AHNAK: variants seen among roughly 807,000 people sequenced by gnomAD.
AHNAK encodes the protein AHNAK nucleoprotein.
In AHNAK, 23 loss-of-function variants were observed where a neutral mutation model predicts 37.8. The observed-to-expected ratio is 0.61, with a 90% CI of 0.44 to 0.86. The LOEUF is 0.86. AHNAK is among the 40% of genes least tolerant of loss of function. AHNAK has a pLI of 0.00. For missense variants in AHNAK, 7,411 were observed against 7,319.4 expected (o/e 1.01, Z -0.46); for synonymous variants, 2,481 against 2,636.3 (o/e 0.94, Z 1.80).
chr11:62,473,084 CAAAAAAAAAAAAA>C (rs71056522), intron 5 of AHNAK, among the ~76,000 whole-genome samples: 7 of 17,294 alleles, frequency 4.0e-4, no homozygotes, highest in Non-Finnish European at 4.6e-4. Context: ...GACTCCATCT[CAAAAAAAAAAAAA>C]AAAAAAAAAA....
intron 5 of AHNAK, among the ~76,000 whole-genome samples, chr11:62,434,170 C>G (rs1353729282): frequency 6.6e-6 from 1 of 152,076 alleles, no homozygotes; most frequent in African/African-American, 2.4e-5. Context: ...TTTGGTGCCC[C>G]CCATACAAGC....
chr11:62,515,965 T>C lies in AHNAK; in HGVS notation c.*779A>G. 5 of 1,171,946 alleles carry C rather than the reference T, an allele frequency of 4.3e-6. No homozygotes were observed. The highest frequency in any genetic ancestry group is 3.2e-5 in the African/African-American group (2 of 62,496). The allele number at this position is 1,171,946 out of a possible 1,614,324, so 72.6% of individuals were successfully genotyped here. A position where few individuals can be genotyped will look rare whatever the true frequency, so the allele number is the denominator to read the frequency against. ...TCAATTTTCTTACATTCTCAGTTAA[T>C]TGGCCATTAAAGTGCTGGAAATTTT... On this transcript the variant is annotated 3_prime_UTR_variant, in exon 5 of 5. Transcript: ENST00000378024.
At chr11:62,534,882 G>C (rs760236856) in intron 4 of AHNAK, 121 bp downstream of exon 4, 7 of 1,039,728 alleles carry the variant, frequency 6.7e-6, no homozygotes, top group Non-Finnish European at 6.9e-6. Flanking sequence ...GAAGACAGGT[G>C]AGAGGAGAAG....
Position 62,530,976 on chromosome 11 carries a change from A to C in AHNAK, c.3441T>G (p.Asp1147Glu). The change falls in exon 5 of 5, where the codon GAT becomes GAG. Residue 1147 changes from aspartate (D) to glutamate (E), a missense_variant. Coordinates refer to ENST00000378024, the MANE Select transcript of AHNAK (RefSeq NM_001620.3). ...PSLKGEGPEV[D>E]VNLPKADVVV... ...CAACGTCAGCCTTAGGCAAGTTCAC[A>C]TCCACTTCTGGGCCCTCGCCTTTGA... 6.2e-7 allele frequency: 1 copy of C among 1,613,762 alleles called. No homozygotes were observed. The highest frequency in any genetic ancestry group is 8.5e-7 in the Non-Finnish European group (1 of 1,179,960).
chr11:62,532,039 C>G lies in AHNAK; in HGVS notation c.2378G>C (p.Ser793Thr). ...PKIDVTAPDV[S>T]IEEPEGKLKG... ...CAATTTCCCTTCTGGTTCCTCAATG[C>G]TCACATCAGGAGCAGTAACATCTAT... The change falls in exon 5 of 5, where the codon AGC becomes ACC. Residue 793 changes from serine to threonine, a missense_variant. Physicochemically the swap from Ser to Thr is moderately conservative, Grantham distance 58 (BLOSUM62 1). Transcript: ENST00000378024. 2 of 1,612,896 alleles carry G rather than the reference C, an allele frequency of 1.2e-6. No individual in the cohort carries two copies. The highest frequency in any genetic ancestry group is 8.5e-7 in the Non-Finnish European group (1 of 1,179,780).
chr11:62,522,074 G>C lies in AHNAK; in HGVS notation c.12343C>G (p.Pro4115Ala). 1 of 1,613,696 alleles carries C rather than the reference G, an allele frequency of 6.2e-7. No homozygotes were observed. The highest frequency in any genetic ancestry group is 8.5e-7 in the Non-Finnish European group (1 of 1,179,972). The change falls in exon 5 of 5, where the codon CCC (proline) becomes GCC (alanine). Residue 4115 changes from proline to alanine, a missense_variant. By Grantham distance (27) the Pro-to-Ala change is conservative (BLOSUM62 -1). Transcript: ENST00000378024. ...IHGPEGKLKG[P>A]KFKMPDLHLK... Reference sequence around the variant, plus strand: ...TGCAGGTCAGGCATTTTAAATTTGGGGCCCTTCAGTTTCCCTTCTGGACCA... The same window carrying C: ...TGCAGGTCAGGCATTTTAAATTTGGCGCCCTTCAGTTTCCCTTCTGGACCA...
At chr11:62,468,135 G>A (rs1345205581) in intron 5 of AHNAK, among the ~76,000 whole-genome samples, 3 of 152,126 alleles carry the variant, frequency 2.0e-5, no homozygotes, top group African/African-American at 7.2e-5. Flanking sequence ...TATCACTTGA[G>A]GTCAGGAGTT....
In AHNAK at chr11:62,525,858, C is replaced by G. The variant is rs367606047; in HGVS notation, c.8559G>C (p.Val2853=). The G allele has an allele frequency of 2.1e-5, 34 of 1,614,010 alleles. No individual in the cohort carries two copies. The highest frequency in any genetic ancestry group is 2.8e-5 in the Non-Finnish European group (33 of 1,180,026). Residue 2853 remains valine, a synonymous_variant, in exon 5 of 5, where the codon GTG becomes GTC. Transcript: ENST00000378024. ...CCTCTACCTTAGGGCCTGTAACATCCACATCTCCTTTTATTTTTGGACCTG... is the reference window on the plus strand; with the variant it reads ...CCTCTACCTTAGGGCCTGTAACATCGACATCTCCTTTTATTTTTGGACCTG... ...NLTGPKIKGD[V]DVTGPKVEGD...
Position 62,439,134 on chromosome 11 carries a change from C to T in AHNAK, c.443-5243G>A, listed in dbSNP as rs536564733. Among the ~76,000 whole-genome samples the T allele has an allele frequency of 3.6e-5, 5 of 139,014 alleles. No individual in the cohort carries two copies. In the South Asian group the frequency reaches 1.2e-3, roughly 34 times the overall value. 91.2% of individuals were successfully genotyped at this position (139,014 alleles called of 152,430 possible). A position where few individuals can be genotyped will look rare whatever the true frequency, so the allele number is the denominator to read the frequency against. The stretch of plus-strand genomic sequence containing the variant: ...TTTGAGATGGAGTCTCGCTCTGTCA[C>T]CCAGGCTGGAGTGCAATGGCGTGAT... On this transcript the variant is annotated intron_variant, in intron 5 of 5. Transcript: ENST00000257247.
Position 62,523,514 on chromosome 11 carries a change from C to G in AHNAK, c.10903G>C (p.Gly3635Arg), listed in dbSNP as rs1487893601. Residue 3635 changes from glycine (G) to arginine (R), a missense_variant, in exon 5 of 5, where the codon GGT (glycine) becomes CGT (arginine). Physicochemically the swap from Gly to Arg is moderately radical, Grantham distance 125. Transcript: ENST00000378024. The part of the protein sequence containing the change: ...TLPKADIDIS[G>R]PNVDVDVPDV... ...GGAACATCAACGTCTACATTGGGAC[C>G]AGAAATGTCAATGTCAGCTTTAGGG... The G allele has an allele frequency of 6.2e-7, 1 of 1,613,982 alleles. No individual in the cohort carries two copies. Among genetic ancestry groups the G allele is most frequent in the Middle Eastern group, 1.7e-4 (1 of 6,060 alleles).
chr11:62,458,080 AT>A (rs34702491), intron 5 of AHNAK, among the ~76,000 whole-genome samples: 46,896 of 148,438 alleles, frequency 0.32, 7,864 homozygotes, highest in Middle Eastern at 0.44. Context: ...TGCCTGTCTA[AT>A]TTTTTTTTTT....
intron 5 of AHNAK, among the ~76,000 whole-genome samples, chr11:62,472,173 T>A (rs1939049448): frequency 6.6e-6 from 1 of 151,918 alleles, no homozygotes; most frequent in South Asian, 2.1e-4. Context: ...TCCCATGCCG[T>A]CACACCACCT....
chr11:62,502,122 C>T (rs1379978129), intron 4 of AHNAK, among the ~76,000 whole-genome samples: 4 of 152,134 alleles, frequency 2.6e-5, no homozygotes, highest in Admixed American at 1.3e-4. Flanking sequence ...CCCTTTTTGC[C>T]GTTCTTGCCA....
In AHNAK at chr11:62,527,695, A is replaced by G. The variant is rs759269145; in HGVS notation, c.6722T>C (p.Leu2241Pro). 7 of 1,613,928 alleles carry G rather than the reference A, an allele frequency of 4.3e-6. No individual in the cohort carries two copies. The highest frequency in any genetic ancestry group is 5.9e-6 in the Non-Finnish European group (7 of 1,180,020). The change falls in exon 5 of 5, where the codon CTG becomes CCG. Residue 2241 changes from leucine (L) to proline (P), a missense_variant. Leu to Pro is a moderately conservative substitution (Grantham distance 98). Coordinates refer to ENST00000378024, the MANE Select transcript of AHNAK (RefSeq NM_001620.3). ...DVDVHGPDWH[L>P]KMPKMKMPKF... ...GGGCATTTTCATCTTAGGCATCTTC[A>G]GGTGCCAGTCTGGGCCATGAACATC...
At position 62,519,488 on chromosome 11, in the gene AHNAK, T is replaced by C. The variant is rs780449718; in HGVS notation, c.14929A>G (p.Lys4977Glu). The change falls in exon 5 of 5, where the codon AAA becomes GAA. Residue 4977 changes from lysine to glutamate, a missense_variant. By Grantham distance (56) the Lys-to-Glu change is moderately conservative (BLOSUM62 1). Coordinates refer to ENST00000378024, the MANE Select transcript of AHNAK (RefSeq NM_001620.3). The stretch of plus-strand genomic sequence containing the variant: ...TTTGCCCCAAATCCAAACTTGGGTT[T>C]CTTAAATTTGGGGATTTTAACATCT... ...GPDVKIPKFK[K>E]PKFGFGAKSP... is the part of the protein sequence containing the mutation. 3.8e-5 allele frequency: 62 copies of C among 1,613,176 alleles called. No homozygotes were observed. Among genetic ancestry groups the C allele is most frequent in the African/African-American group, 5.3e-5 (4 of 74,806 alleles).
intron 5 of AHNAK, among the ~76,000 whole-genome samples, chr11:62,436,866 G>C (rs560303495): frequency 6.6e-6 from 1 of 152,022 alleles, no homozygotes; most frequent in Non-Finnish European, 1.5e-5. Flanking sequence ...GTGAACCCAG[G>C]AGGCGGAGCT....
chr11:62,469,615 C>T (rs191610130), intron 5 of AHNAK, among the ~76,000 whole-genome samples: 52 of 151,654 alleles, frequency 3.4e-4, no homozygotes, highest in Non-Finnish European at 6.8e-4. Context: ...CAGGTATTTG[C>T]CACTACACCC....
Position 62,451,876 on chromosome 11 carries a change from C to T in AHNAK, c.443-17985G>A, listed in dbSNP as rs1363792067. Among the ~76,000 whole-genome samples, 102 of 146,240 alleles carry T rather than the reference C, an allele frequency of 7.0e-4. 1 individual carries two copies. The highest frequency in any genetic ancestry group is 2.5e-3 in the African/African-American group (100 of 39,422). On this transcript the variant is annotated intron_variant, in intron 5 of 5. Transcript: ENST00000257247. ...AAGCTGGAGTTCAGTGGCAGGATCT[C>T]GCCTCACTGCAAGCTCCGCCTCCCA...
intron 4 of AHNAK, among the ~76,000 whole-genome samples, chr11:62,493,016 T>TTTTCC (rs1939532047): frequency 8.8e-6 from 1 of 113,378 alleles, no homozygotes; most frequent in Admixed American, 7.7e-5. Context: ...CTTTTCTTTT[T>TTTTCC]TTTTTTTTTT....
Sources: gnomAD v4.1 joint callset for allele counts (sites outside exome capture counted in the v4.1 genomes callset) on GRCh38, gnomAD v4.1.1 for gene constraint, MANE v1.5 for transcripts, NCBI Gene and HGNC (gene_info 2026-07-23, HGNC 2026-07-21) for gene names.